Variants in CACNA2D3 observed in about 807,000 individuals in gnomAD.
CACNA2D3 encodes calcium voltage-gated channel auxiliary subunit alpha2delta 3, also known as voltage-dependent calcium channel subunit alpha-2/delta-3.
In CACNA2D3, 60 loss-of-function variants were observed where a neutral mutation model predicts 160.6. The observed-to-expected ratio is 0.37, with a 90% CI of 0.30 to 0.46. CACNA2D3 has a LOEUF of 0.46. Ranked by LOEUF, CACNA2D3 falls within the 20% of genes least tolerant of loss-of-function variation. The probability of loss-of-function intolerance (pLI) is 1.00; values close to 1 mark genes in which losing one functional copy is unlikely to be tolerated. For missense variants in CACNA2D3, 1,205 were observed against 1,365.0 expected (o/e 0.88, Z 1.85); for synonymous variants, 558 against 492.9 (o/e 1.13, Z -1.75).
At position 54,637,750 on chromosome 3, in the gene CACNA2D3, C is replaced by T. The variant is rs955674966; in HGVS notation, c.1054-4378C>T. 4.1e-4 allele frequency: 62 copies of T among 152,208 alleles called. 2 individuals carry two copies. Among genetic ancestry groups the T allele is most frequent in the African/African-American group, 1.4e-3 (57 of 41,416 alleles). The allele number at this position is 152,208 out of a possible 1,614,324, so 9.4% of individuals were successfully genotyped here. On this transcript the variant is annotated intron_variant, in intron 10 of 37. Coordinates refer to ENST00000474759, the MANE Select transcript of CACNA2D3 (RefSeq NM_018398.3). Reference sequence around the variant, plus strand: ...TCTGAGGCGATCAGGCAGCGTCAGTCTTCAGCCAGTAAGCCAAGAAGGAGT... The same window carrying T: ...TCTGAGGCGATCAGGCAGCGTCAGTTTTCAGCCAGTAAGCCAAGAAGGAGT...
chr3:54,561,159 C>T (rs746452344), intron 5 of CACNA2D3, among the ~76,000 whole-genome samples: 32 of 152,176 alleles, frequency 2.1e-4, no homozygotes, highest in Non-Finnish European at 3.7e-4. Flanking sequence ...CTATGAATTG[C>T]TTTGGGCAGT....
At chr3:54,133,708 C>A (rs1254718091) in intron 2 of CACNA2D3, among the ~76,000 whole-genome samples, 1 of 152,160 alleles carries the variant, frequency 6.6e-6, no homozygotes, top group South Asian at 2.1e-4. Context: ...TTTTAGTTGC[C>A]CTTGAGGGTC....
At chr3:54,736,409 A>G (rs548463464) in intron 11 of CACNA2D3, among the ~76,000 whole-genome samples, 5 of 152,080 alleles carry the variant, frequency 3.3e-5, no homozygotes, top group African/African-American at 1.2e-4. Flanking sequence ...TCATTTCTTT[A>G]TATGATTGTT....
At chr3:54,858,561 C>A (rs1699219042) in intron 17 of CACNA2D3, among the ~76,000 whole-genome samples, 1 of 152,176 alleles carries the variant, frequency 6.6e-6, no homozygotes, top group South Asian at 2.1e-4. Context: ...TGCATTAGAA[C>A]TTTCATAACT....
At chr3:54,706,687 A>G (rs1291533349) in intron 11 of CACNA2D3, among the ~76,000 whole-genome samples, 1 of 152,152 alleles carries the variant, frequency 6.6e-6, no homozygotes, top group Admixed American at 6.5e-5. Context: ...GGCCATTGTG[A>G]GAATCGATGC....
At chr3:54,565,927 G>T (rs955029390) in intron 6 of CACNA2D3, among the ~76,000 whole-genome samples, 1 of 152,142 alleles carries the variant, frequency 6.6e-6, no homozygotes, top group African/African-American at 2.4e-5. Context: ...CCCCTGGGAG[G>T]AGTCATTTGT....
At chr3:54,745,914 T>C (rs1247407689) in intron 11 of CACNA2D3, among the ~76,000 whole-genome samples, 1 of 152,218 alleles carries the variant, frequency 6.6e-6, no homozygotes, top group African/African-American at 2.4e-5. Flanking sequence ...TGACAGTCCA[T>C]TTTTCATAAT....
chr3:54,232,004 G>T (rs1300476571), intron 2 of CACNA2D3, among the ~76,000 whole-genome samples: 2 of 152,238 alleles, frequency 1.3e-5, no homozygotes, highest in Admixed American at 6.5e-5. Flanking sequence ...GGAGTCCATT[G>T]TCTCGTTATT....
rs111302396 is a variant in CACNA2D3 at position 55,059,532 on chromosome 3, G to C, written c.2988-13913G>C. Among the ~76,000 whole-genome samples, 1,432 of 152,314 alleles carry C rather than the reference G, an allele frequency of 9.4e-3. 27 individuals carry two copies. The highest frequency in any genetic ancestry group is 0.032 in the African/African-American group (1,349 of 41,578). ...ACGGGCAGGTGCAGGAGCCGGGGTGGACACTTTTGGGCTCCAGCCCCACGG... is the reference window on the plus strand; with the variant it reads ...ACGGGCAGGTGCAGGAGCCGGGGTGCACACTTTTGGGCTCCAGCCCCACGG... On this transcript the variant is annotated intron_variant, in intron 35 of 37. Transcript: ENST00000474759.
At chr3:54,651,126 T>C (rs966220542) in intron 11 of CACNA2D3, among the ~76,000 whole-genome samples, 1 of 152,080 alleles carries the variant, frequency 6.6e-6, no homozygotes, top group Non-Finnish European at 1.5e-5. Context: ...AAAATGACCA[T>C]AGGTCAGAGG....
At chr3:54,700,139 G>C (rs1291720141) in intron 11 of CACNA2D3, among the ~76,000 whole-genome samples, 1 of 152,190 alleles carries the variant, frequency 6.6e-6, no homozygotes, top group Non-Finnish European at 1.5e-5. Flanking sequence ...ATTACAACGT[G>C]TAAGTGATAG....
intron 11 of CACNA2D3, among the ~76,000 whole-genome samples, chr3:54,665,242 C>G (rs1700041134): frequency 6.6e-6 from 1 of 152,170 alleles, no homozygotes; most frequent in Admixed American, 6.5e-5. Context: ...TTGATAGATT[C>G]CGCTTAATGC....
In CACNA2D3 at chr3:54,540,954, G is replaced by A. The variant is rs1475169197; in HGVS notation, c.545-21846G>A. Among the ~76,000 whole-genome samples, 10 of 152,232 alleles carry A rather than the reference G, an allele frequency of 6.6e-5. No individual in the cohort carries two copies. In the East Asian group the frequency reaches 1.4e-3, roughly 21 times the overall value. ...GATGAAGTCATACTGGATTTAGAGTGGGTCCTCAATCTAATAATAGGTGTC... is the reference window on the plus strand; with the variant it reads ...GATGAAGTCATACTGGATTTAGAGTAGGTCCTCAATCTAATAATAGGTGTC... On this transcript the variant is annotated intron_variant, in intron 5 of 37. Transcript: ENST00000474759.
chr3:54,182,409 A>G (rs1576983808), intron 2 of CACNA2D3, among the ~76,000 whole-genome samples: 2 of 152,298 alleles, frequency 1.3e-5, no homozygotes, highest in South Asian at 4.1e-4. Flanking sequence ...CTGTAATGTG[A>G]TACTGTAATA....
chr3:54,497,294 T>C (rs1467901900), intron 4 of CACNA2D3, among the ~76,000 whole-genome samples: 1 of 151,916 alleles, frequency 6.6e-6, no homozygotes, highest in Admixed American at 6.6e-5. Context: ...ATATTTGTGG[T>C]TTTTAGTACT....
intron 2 of CACNA2D3, among the ~76,000 whole-genome samples, chr3:54,302,943 A>G (rs1056961886): frequency 3.3e-5 from 5 of 151,824 alleles, no homozygotes; most frequent in African/African-American, 1.2e-4. Context: ...GGATCCTCCG[A>G]GTGTAAGGTG....
intron 27 of CACNA2D3, among the ~76,000 whole-genome samples, chr3:54,927,527 G>T (rs530417018): frequency 6.6e-6 from 1 of 152,236 alleles, no homozygotes; most frequent in East Asian, 1.9e-4. Context: ...CATGTTTGCC[G>T]CAGAATCCAC....
chr3:54,748,184 T>C (rs1166456636), intron 11 of CACNA2D3, among the ~76,000 whole-genome samples: 2 of 152,218 alleles, frequency 1.3e-5, no homozygotes, highest in Non-Finnish European at 2.9e-5. Context: ...GCCTATTTTC[T>C]GTCTGTGCAA....
In CACNA2D3 at chr3:54,886,935, C is replaced by CTTTTTTT. The variant is rs60899252; in HGVS notation, c.2057-1016_2057-1010dup. Among the ~76,000 whole-genome samples the CTTTTTTT allele has an allele frequency of 4.0e-3, 427 of 107,742 alleles. 20 individuals carry two copies. The highest frequency in any genetic ancestry group is 0.015 in the African/African-American group (397 of 25,670). The allele number at this position is 107,742 out of a possible 152,430, so 70.7% of individuals were successfully genotyped here. ...CTAGCTTTCGCTTTTCAGCAAAGCT[C>CTTTTTTT]TTTTTTTTTTTTTTGCCCCCAGTCA... On this transcript the variant is annotated intron_variant, in intron 23 of 37. Coordinates refer to ENST00000474759, the MANE Select transcript of CACNA2D3 (RefSeq NM_018398.3).
Sources: allele counts gnomAD v4.1 joint callset (sites outside exome capture counted in the v4.1 genomes callset), GRCh38; gene constraint gnomAD v4.1.1; transcripts MANE v1.5; gene names NCBI Gene and HGNC (gene_info 2026-07-23, HGNC 2026-07-21).